Variants in PTPRD observed in about 807,000 individuals in gnomAD.
PTPRD encodes receptor-type tyrosine-protein phosphatase delta.
PTPRD carries 34 observed loss-of-function variants against 214.5 expected under a neutral mutation model. The observed-to-expected ratio is 0.16, with a 90% CI of 0.12 to 0.21. PTPRD has a LOEUF of 0.21. PTPRD is among the 10% of genes least tolerant of loss of function. The probability of loss-of-function intolerance (pLI) is 1.00; values close to 1 mark genes in which losing one functional copy is unlikely to be tolerated. For missense variants in PTPRD, 2,545 were observed against 2,398.7 expected (o/e 1.06, Z -1.27); for synonymous variants, 1,128 against 845.7 (o/e 1.33, Z -5.79).
intron 11 of PTPRD, among the ~76,000 whole-genome samples, chr9:8,964,526 T>C (rs973271411): frequency 1.3e-5 from 2 of 152,042 alleles, no homozygotes; most frequent in African/African-American, 2.4e-5. Flanking sequence ...TCATTGATTC[T>C]TTTTATGGAT....
intron 5 of PTPRD, among the ~76,000 whole-genome samples, chr9:9,907,527 G>A (rs2077947349): frequency 6.6e-6 from 1 of 151,936 alleles, no homozygotes; most frequent in African/African-American, 2.4e-5. Context: ...TATCACTGAT[G>A]TCTATTCTTC....
At chr9:10,408,828 C>T (rs1376645820) in intron 2 of PTPRD, among the ~76,000 whole-genome samples, 1 of 151,678 alleles carries the variant, frequency 6.6e-6, no homozygotes, top group Non-Finnish European at 1.5e-5. Context: ...ATTACAGAAA[C>T]AATGTCAAAT....
chr9:10,447,665 G>C (rs910193641), intron 2 of PTPRD, among the ~76,000 whole-genome samples: 1 of 151,946 alleles, frequency 6.6e-6, no homozygotes, highest in Admixed American at 6.6e-5. Flanking sequence ...AAAGAAAAAT[G>C]CAAGACTAAG....
intron 4 of PTPRD, among the ~76,000 whole-genome samples, chr9:10,026,322 A>G (rs948350018): frequency 1.3e-5 from 2 of 152,172 alleles, no homozygotes; most frequent in African/African-American, 4.8e-5. Flanking sequence ...TAGCCTACAA[A>G]TGGCACAAAC....
chr9:8,815,502 A>G (rs941231477), intron 11 of PTPRD, among the ~76,000 whole-genome samples: 9 of 152,224 alleles, frequency 5.9e-5, no homozygotes, highest in Non-Finnish European at 1.3e-4. Context: ...AGCAGTTACA[A>G]AAATTTAAAT....
At chr9:10,114,213 T>C (rs2098712710) in intron 3 of PTPRD, among the ~76,000 whole-genome samples, 1 of 152,160 alleles carries the variant, frequency 6.6e-6, no homozygotes, top group East Asian at 1.9e-4. Context: ...GGCGAGAATA[T>C]TATGTGCCTT....
At chr9:9,484,479 T>G (rs968123965) in intron 8 of PTPRD, among the ~76,000 whole-genome samples, 2 of 152,162 alleles carry the variant, frequency 1.3e-5, no homozygotes, top group Non-Finnish European at 2.9e-5. Context: ...GGTGGCTACA[T>G]GGATGTCTAC....
At chr9:9,602,193 A>G (rs1255017283) in intron 7 of PTPRD, among the ~76,000 whole-genome samples, 1 of 152,072 alleles carries the variant, frequency 6.6e-6, no homozygotes, top group African/African-American at 2.4e-5. Context: ...GACTTTTTGA[A>G]GAAAACTATG....
At chr9:9,070,320 T>C (rs529731342) in intron 10 of PTPRD, among the ~76,000 whole-genome samples, 5 of 152,300 alleles carry the variant, frequency 3.3e-5, no homozygotes, top group African/African-American at 1.2e-4. Flanking sequence ...CTACAAGAAA[T>C]ATGCTATTTT....
At chr9:9,246,999 C>T (rs74676295) in intron 9 of PTPRD, among the ~76,000 whole-genome samples, 6 of 151,520 alleles carry the variant, frequency 4.0e-5, no homozygotes, top group Non-Finnish European at 7.4e-5. Context: ...TCATTTTCCC[C>T]GAGTGACTCA....
chr9:9,264,917 A>G (rs909685298), intron 9 of PTPRD, among the ~76,000 whole-genome samples: 4 of 150,470 alleles, frequency 2.7e-5, no homozygotes, highest in African/African-American at 9.7e-5. Context: ...AAAAAACCCT[A>G]CCAACCAAGA....
rs1041067421 is a variant in PTPRD at position 9,889,813 on chromosome 9, A to G, written c.-368+48694T>C. On this transcript the variant is annotated intron_variant, in intron 5 of 45. Coordinates refer to ENST00000381196, the MANE Select transcript of PTPRD (RefSeq NM_002839.4). Reference sequence around the variant, plus strand: ...AGTGTGTGTGTGTGTGTGTGTGTGTATGTGTGTGTGTGTGTCTGTGTGTGG... The same window carrying G: ...AGTGTGTGTGTGTGTGTGTGTGTGTGTGTGTGTGTGTGTGTCTGTGTGTGG... Among the ~76,000 whole-genome samples the G allele has an allele frequency of 2.7e-3, 388 of 141,596 alleles. 2 individuals are homozygous for G. The highest frequency in any genetic ancestry group is 5.8e-3 in the African/African-American group (209 of 35,932). The allele number at this position is 141,596 out of a possible 152,430, so 92.9% of individuals were successfully genotyped here.
At chr9:10,040,899 T>G (rs367862900) in intron 3 of PTPRD, among the ~76,000 whole-genome samples, 17 of 152,188 alleles carry the variant, frequency 1.1e-4, no homozygotes, top group African/African-American at 3.6e-4. Context: ...GAGCTATTAT[T>G]GGGCAACTCC....
chr9:8,430,138 A>C (rs1220792502), intron 35 of PTPRD, among the ~76,000 whole-genome samples: 1 of 152,222 alleles, frequency 6.6e-6, no homozygotes, highest in Non-Finnish European at 1.5e-5. Flanking sequence ...GAAGTAGAGT[A>C]TGTGATTTGG....
rs145135008 is a variant in PTPRD, at chr9:9,759,233, A to G, written c.-326+7577T>C. 2.0e-5 allele frequency among the ~76,000 whole-genome samples: 3 copies of G among 152,260 alleles called. No individual in the cohort carries two copies. The East Asian group carries it at 5.8e-4, about 29-fold the overall frequency. On this transcript the variant is annotated intron_variant, in intron 6 of 45. Coordinates refer to ENST00000381196, the MANE Select transcript of PTPRD (RefSeq NM_002839.4). ...TACACATATGGTCTAGCCTGTGTTC[A>G]GTCAGTCTGTACTGGTAATGATTAC...
chr9:10,532,308 G>C (rs149100869), intron 2 of PTPRD: 1 of 154,638 alleles, frequency 6.5e-6, no homozygotes, highest in Non-Finnish European at 1.4e-5. Flanking sequence ...GACAGAGAGG[G>C]ACAACCTCAT....
chr9:8,651,188 C>A (rs1564991516), intron 12 of PTPRD, among the ~76,000 whole-genome samples: 2 of 152,166 alleles, frequency 1.3e-5, no homozygotes, highest in Non-Finnish European at 2.9e-5. Context: ...AAGCGTTCTG[C>A]AGATGTCTCC....
At chr9:8,544,327 C>T (rs1364644896) in intron 14 of PTPRD, among the ~76,000 whole-genome samples, 1 of 151,840 alleles carries the variant, frequency 6.6e-6, no homozygotes, top group Non-Finnish European at 1.5e-5. Context: ...AGTAATCCGC[C>T]TGTATCGGCC....
At chr9:9,273,469 C>G (rs775243656) in intron 9 of PTPRD, among the ~76,000 whole-genome samples, 7 of 151,238 alleles carry the variant, frequency 4.6e-5, no homozygotes, top group Non-Finnish European at 7.4e-5. Context: ...AATACATAAA[C>G]TGCCTTTTAT....
Sources: allele counts gnomAD v4.1 joint callset (sites outside exome capture counted in the v4.1 genomes callset), GRCh38; gene constraint gnomAD v4.1.1; transcripts MANE v1.5; gene names NCBI Gene and HGNC (gene_info 2026-07-23, HGNC 2026-07-21).